Variants in ACYP2 observed in about 807,000 individuals in gnomAD.
The protein encoded by ACYP2 is acylphosphatase-2.
Under a neutral mutation model 11.2 loss-of-function variants are expected in ACYP2, and 12 were observed. That is an observed-to-expected ratio of 1.08 (90% CI 0.69 to 1.74). The LOEUF is 1.74. Among genes scored for constraint, ACYP2 ranks in the 40% most tolerant of loss-of-function variants. ACYP2 has a pLI of 0.00. For missense variants in ACYP2, 134 were observed against 101.9 expected (o/e 1.31, Z -1.35); for synonymous variants, 43 against 32.2 (o/e 1.33, Z -1.13).
chr2:54,161,649 C>T (rs529777794), intron 6 of ACYP2, among the ~76,000 whole-genome samples: 2 of 152,250 alleles, frequency 1.3e-5, no homozygotes, highest in East Asian at 1.9e-4. Context: ...GTGACAAATA[C>T]AACTGCCAAA....
At chr2:54,054,588 T>G (rs10496027) in intron 3 of ACYP2, among the ~76,000 whole-genome samples, 7,156 of 152,316 alleles carry the variant, frequency 0.047, 585 homozygotes, top group African/African-American at 0.16. Context: ...GTGTTAACCA[T>G]GCTATAATTA....
intron 4 of ACYP2, among the ~76,000 whole-genome samples, chr2:54,075,045 T>G (rs1677256385): frequency 6.6e-6 from 1 of 152,210 alleles, no homozygotes; most frequent in South Asian, 2.1e-4. Flanking sequence ...TACTTTCTCA[T>G]TGGTCCTGGT....
rs1684574193 is a variant in ACYP2, at chr2:54,197,949, ATTGTAT to A, written c.404+59203_404+59208del. On this transcript the variant is annotated intron_variant, in intron 6 of 6. Transcript: ENST00000607452. ...TTTATTTATGTATGTATTATATTGT[ATTGTAT>A]TGTATTGTATTGTATTGTATTGTAT... Among the ~76,000 whole-genome samples, 7 of 17,028 alleles carry A rather than the reference ATTGTAT, an allele frequency of 4.1e-4. No homozygotes were observed. In the East Asian group the frequency reaches 6.1e-3, roughly 15 times the overall value. 11.2% of individuals were successfully genotyped at this position (17,028 alleles called of 152,430 possible). A position where few individuals can be genotyped will look rare whatever the true frequency, so the allele number is the denominator to read the frequency against.
At chr2:54,029,998 C>T (rs1195334157) in intron 2 of ACYP2, 2 of 242,144 alleles carry the variant, frequency 8.3e-6, no homozygotes, top group Non-Finnish European at 1.6e-5. Flanking sequence ...GATAATTCCA[C>T]CAGACCAATT....
intron 6 of ACYP2, among the ~76,000 whole-genome samples, chr2:54,206,129 A>C (rs540141274): frequency 4.3e-4 from 66 of 152,278 alleles, no homozygotes; most frequent in African/African-American, 1.6e-3. Flanking sequence ...TTGATGGGGC[A>C]TGCACACTGC....
At chr2:54,175,952 T>C (rs1332489780) in intron 6 of ACYP2, among the ~76,000 whole-genome samples, 2 of 152,096 alleles carry the variant, frequency 1.3e-5, no homozygotes, top group African/African-American at 4.8e-5. Context: ...AGCACCCTTA[T>C]AATAGGCCTT....
At chr2:54,150,394 C>T (rs1682099512) in intron 6 of ACYP2, among the ~76,000 whole-genome samples, 1 of 152,114 alleles carries the variant, frequency 6.6e-6, no homozygotes, top group Non-Finnish European at 1.5e-5. Context: ...AGGTCCTGTC[C>T]AGCTAAGATT....
At chr2:54,259,194 T>C (rs751626870) in intron 6 of ACYP2, among the ~76,000 whole-genome samples, 6 of 152,222 alleles carry the variant, frequency 3.9e-5, no homozygotes, top group Non-Finnish European at 5.9e-5. Flanking sequence ...AGGAAGATCT[T>C]TGCAGGAAAA....
intron 2 of ACYP2, among the ~76,000 whole-genome samples, chr2:54,004,687 G>T (rs1397101434): frequency 1.3e-5 from 2 of 151,920 alleles, no homozygotes; most frequent in Non-Finnish European, 2.9e-5. Context: ...TGGGATTACA[G>T]GTGTGAGCCA....
At chr2:54,155,216 C>T (rs565041723) in intron 6 of ACYP2, among the ~76,000 whole-genome samples, 7 of 151,674 alleles carry the variant, frequency 4.6e-5, no homozygotes, top group South Asian at 2.1e-4. Flanking sequence ...GTAGGTTTGT[C>T]GATTTTGTTT....
intron 6 of ACYP2, among the ~76,000 whole-genome samples, chr2:54,200,446 C>T (rs1684707076): frequency 6.6e-6 from 1 of 152,170 alleles, no homozygotes; most frequent in African/African-American, 2.4e-5. Flanking sequence ...ACCCTGGCAA[C>T]CACTAATCTA....
intron 4 of ACYP2, among the ~76,000 whole-genome samples, chr2:54,068,147 T>G (rs921646183): frequency 6.6e-6 from 1 of 152,220 alleles, no homozygotes; most frequent in Non-Finnish European, 1.5e-5. Flanking sequence ...CTCTTGGGAT[T>G]TTCTCTGTGC....
At chr2:54,110,820 T>C (rs1679420182) in intron 4 of ACYP2, among the ~76,000 whole-genome samples, 1 of 151,982 alleles carries the variant, frequency 6.6e-6, no homozygotes, top group South Asian at 2.1e-4. Context: ...ACTCGGTGTT[T>C]ACTCCTTGGA....
chr2:53,973,339 T>A (rs749070865), intron 1 of ACYP2, among the ~76,000 whole-genome samples: 3 of 152,042 alleles, frequency 2.0e-5, no homozygotes, highest in Non-Finnish European at 4.4e-5. Flanking sequence ...AAGAGATGAG[T>A]GTCAGGCCTC....
intron 4 of ACYP2, 137 bp from the exon 2 acceptor site, chr2:54,135,316 G>C (rs548037079): frequency 7.1e-6 from 5 of 707,242 alleles, no homozygotes; most frequent in African/African-American, 1.8e-5. Context: ...GACCACAGTT[G>C]ATGGAGGATT....
At chr2:54,020,261 A>G (rs1024397050) in intron 2 of ACYP2, among the ~76,000 whole-genome samples, 2 of 152,194 alleles carry the variant, frequency 1.3e-5, no homozygotes, top group Non-Finnish European at 2.9e-5. Flanking sequence ...TAATCAGAAT[A>G]CAGTTCCTGC....
chr2:54,043,574 A>G (rs1675356474), intron 2 of ACYP2, among the ~76,000 whole-genome samples: 2 of 152,134 alleles, frequency 1.3e-5, no homozygotes, highest in East Asian at 1.9e-4. Flanking sequence ...TTTATTTTAC[A>G]CTTATGACAT....
At chr2:54,089,494 C>T (rs1363297254) in intron 4 of ACYP2, among the ~76,000 whole-genome samples, 1 of 152,124 alleles carries the variant, frequency 6.6e-6, no homozygotes, top group Admixed American at 6.5e-5. Flanking sequence ...CTCTCGTAAT[C>T]TCAGCACTTT....
rs764814868 is a variant in ACYP2, at chr2:54,086,697, G to A, written c.277+29337G>A. On this transcript the variant is annotated intron_variant, in intron 4 of 6. Coordinates refer to ENST00000607452, the MANE Select transcript of ACYP2 (RefSeq NM_001320586.2). Reference sequence around the variant, plus strand: ...ATTGTGTGTGTGTGTGCACGCGCGCGCTAGTGCGTGTTTGCTAGGCATTTG... The same window carrying A: ...ATTGTGTGTGTGTGTGCACGCGCGCACTAGTGCGTGTTTGCTAGGCATTTG... 1.0e-3 allele frequency among the ~76,000 whole-genome samples: 159 copies of A among 152,294 alleles called. 1 individual carries two copies. Among genetic ancestry groups the A allele is most frequent in the Middle Eastern group, 6.8e-3 (2 of 294 alleles).
Sources: allele counts gnomAD v4.1 joint callset (sites outside exome capture counted in the v4.1 genomes callset), GRCh38; gene constraint gnomAD v4.1.1; transcripts MANE v1.5; gene names NCBI Gene and HGNC (gene_info 2026-07-23, HGNC 2026-07-21).